NAALADL2: variants seen among roughly 807,000 people sequenced by gnomAD.
NAALADL2 encodes the protein N-acetylated alpha-linked acidic dipeptidase like 2, also known as inactive N-acetylated-alpha-linked acidic dipeptidase-like protein 2.
A neutral mutation model predicts 87.2 loss-of-function variants in NAALADL2; 76 were observed. The ratio of observed to expected loss-of-function variants is 0.87; its 90% confidence interval spans 0.72 to 1.05. NAALADL2 has a LOEUF of 1.05. Among genes scored for constraint, NAALADL2 ranks in the 50% least tolerant of loss-of-function variants. The pLI, the probability that NAALADL2 is intolerant of heterozygous loss-of-function variation, is 0.00. For synonymous variants in NAALADL2, 354 were observed against 331.0 expected (o/e 1.07, Z -0.75); for missense variants, 1,089 against 945.8 (o/e 1.15, Z -1.99).
Position 175,447,289 on chromosome 3 carries a change from C to CA in NAALADL2, c.1152dup (p.Pro385ThrfsTer13). ...TCTCTATTAGTGCAGCCCATCTCTG[C>CA]ACCCCTCGTTGCAAAACTGATCTCT... On this transcript the variant is annotated frameshift_variant, in exon 6 of 14. Transcript: ENST00000454872. LOFTEE classifies it high-confidence loss of function. The CA allele has an allele frequency of 6.2e-7, 1 of 1,607,524 alleles. No individual in the cohort carries two copies. The highest frequency in any genetic ancestry group is 8.5e-7 in the Non-Finnish European group (1 of 1,175,878).
At chr3:175,604,826 CT>C (rs1457055743) in intron 10 of NAALADL2, among the ~76,000 whole-genome samples, 2 of 152,052 alleles carry the variant, frequency 1.3e-5, no homozygotes, top group African/African-American at 4.8e-5. Flanking sequence ...AGAAAAGTGG[CT>C]TCAATGTTGA....
chr3:174,728,167 A>G (rs1399698460), intron 2 of NAALADL2, among the ~76,000 whole-genome samples: 1 of 152,034 alleles, frequency 6.6e-6, no homozygotes, highest in African/African-American at 2.4e-5. Flanking sequence ...ATTAATAAAG[A>G]TGCTATAAGC....
chr3:175,186,902 AAATAAT>A (rs138724967), intron 2 of NAALADL2, among the ~76,000 whole-genome samples: 1 of 152,048 alleles, frequency 6.6e-6, no homozygotes, highest in South Asian at 2.1e-4. Context: ...GCAATAGGGA[AAATAAT>A]AATAATAATA....
At chr3:175,295,575 T>G (rs1051485425) in intron 4 of NAALADL2, among the ~76,000 whole-genome samples, 2 of 152,156 alleles carry the variant, frequency 1.3e-5, no homozygotes, top group Non-Finnish European at 2.9e-5. Flanking sequence ...CAACTGTGCT[T>G]CTGTTTCACA....
chr3:175,146,082 T>C (rs908537529), intron 2 of NAALADL2, among the ~76,000 whole-genome samples: 4 of 152,148 alleles, frequency 2.6e-5, no homozygotes, highest in Non-Finnish European at 5.9e-5. Flanking sequence ...TAAGTAAGAT[T>C]CGTGATTCTT....
At chr3:175,782,134 T>C (rs1751212219) in intron 13 of NAALADL2, among the ~76,000 whole-genome samples, 1 of 150,426 alleles carries the variant, frequency 6.6e-6, no homozygotes, top group Admixed American at 6.7e-5. Flanking sequence ...GTTCCAAGTC[T>C]TTGCTATTGT....
intron 5 of NAALADL2, among the ~76,000 whole-genome samples, chr3:175,324,660 G>C (rs971608439): frequency 7.9e-5 from 12 of 152,210 alleles, no homozygotes; most frequent in African/African-American, 2.9e-4. Context: ...AGCATGTACA[G>C]ATACCCAGGA....
chr3:175,759,967 A>G (rs1052273317), intron 13 of NAALADL2, among the ~76,000 whole-genome samples: 2 of 152,148 alleles, frequency 1.3e-5, no homozygotes, highest in Non-Finnish European at 2.9e-5. Flanking sequence ...GGATTTATCT[A>G]GTGCTCCTGA....
Position 175,756,351 on chromosome 3 carries a change from A to G in NAALADL2, c.2189+933A>G, listed in dbSNP as rs111406077. On this transcript the variant is annotated intron_variant, in intron 13 of 13. Transcript: ENST00000454872. Reference sequence around the variant, plus strand: ...CTACCCAAAGGAAAACAATTTTTTTATATCAAAAAGATACTTGCATTCATA... The same window carrying G: ...CTACCCAAAGGAAAACAATTTTTTTGTATCAAAAAGATACTTGCATTCATA... Among the ~76,000 whole-genome samples, 6 of 152,288 alleles carry G rather than the reference A, an allele frequency of 3.9e-5. No homozygotes were observed. The Middle Eastern group carries it at 0.01, about 259-fold the overall frequency.
intron 12 of NAALADL2, among the ~76,000 whole-genome samples, chr3:175,752,277 G>A (rs560741037): frequency 2.8e-4 from 42 of 152,160 alleles, no homozygotes; most frequent in African/African-American, 9.9e-4. Flanking sequence ...TATGATAAAA[G>A]TATATAAGTT....
rs181231504 is a variant in NAALADL2, at chr3:175,657,026, T to A, written c.1896+29640T>A. ...CTTGAAAAATGAGTGTAAGAAAACG[T>A]ACTTACATATAAGAAAACTAAAGGA... On this transcript the variant is annotated intron_variant, in intron 11 of 13. Coordinates refer to ENST00000454872, the MANE Select transcript of NAALADL2 (RefSeq NM_207015.3). 2.8e-3 allele frequency among the ~76,000 whole-genome samples: 423 copies of A among 152,314 alleles called. 1 individual carries two copies. Among genetic ancestry groups the A allele is most frequent in the Middle Eastern group, 0.01 (3 of 294 alleles).
chr3:175,084,207 A>T (rs1360647889), intron 1 of NAALADL2, among the ~76,000 whole-genome samples: 1 of 152,148 alleles, frequency 6.6e-6, no homozygotes, highest in Non-Finnish European at 1.5e-5. Flanking sequence ...CTACCCCCCA[A>T]ATTTTGTGGC....
chr3:175,441,518 A>G (rs1015885231), intron 5 of NAALADL2, among the ~76,000 whole-genome samples: 3 of 152,122 alleles, frequency 2.0e-5, no homozygotes, highest in Non-Finnish European at 4.4e-5. Context: ...GGATCTTGAT[A>G]GACTATAGAT....
At chr3:175,068,340 C>A (rs1714937589) in intron 1 of NAALADL2, among the ~76,000 whole-genome samples, 1 of 151,994 alleles carries the variant, frequency 6.6e-6, no homozygotes, top group African/African-American at 2.4e-5. Context: ...AGATGGACAT[C>A]ATTTGAAATA....
chr3:175,186,330 A>G (rs1214880787), intron 2 of NAALADL2, among the ~76,000 whole-genome samples: 1 of 152,122 alleles, frequency 6.6e-6, no homozygotes, highest in Non-Finnish European at 1.5e-5. Flanking sequence ...CAGGAATCCC[A>G]GGAACCAGTC....
chr3:174,846,247 A>G (rs557126986), intron 3 of NAALADL2, among the ~76,000 whole-genome samples: 1 of 152,134 alleles, frequency 6.6e-6, no homozygotes, highest in Non-Finnish European at 1.5e-5. Context: ...TCTCCTCTCT[A>G]TGTTGGTATA....
chr3:174,504,676 C>A (rs1409876528), intron 1 of NAALADL2, among the ~76,000 whole-genome samples: 3 of 152,046 alleles, frequency 2.0e-5, no homozygotes, highest in Non-Finnish European at 2.9e-5. Context: ...TAAGTAGCAT[C>A]CTGAAAGGAG....
At chr3:174,847,861 C>A (rs973990075) in intron 3 of NAALADL2, among the ~76,000 whole-genome samples, 3 of 151,472 alleles carry the variant, frequency 2.0e-5, no homozygotes, top group African/African-American at 7.3e-5. Context: ...AAAGATCCAC[C>A]CAGGTAGCTG....
At chr3:175,306,178 C>T (rs1757697245) in intron 4 of NAALADL2, among the ~76,000 whole-genome samples, 1 of 152,038 alleles carries the variant, frequency 6.6e-6, no homozygotes, top group African/African-American at 2.4e-5. Flanking sequence ...ATGTGCCCAT[C>T]CAACATTATT....
Sources: gnomAD v4.1 joint callset for allele counts (sites outside exome capture counted in the v4.1 genomes callset) on GRCh38, gnomAD v4.1.1 for gene constraint, MANE v1.5 for transcripts, NCBI Gene and HGNC (gene_info 2026-07-23, HGNC 2026-07-21) for gene names.